PNPT1: variants seen among roughly 807,000 people sequenced by gnomAD.
The protein encoded by PNPT1 is polyribonucleotide nucleotidyltransferase 1, mitochondrial.
PNPT1 carries 53 observed loss-of-function variants against 119.5 expected under a neutral mutation model. The ratio of observed to expected loss-of-function variants is 0.44; its 90% CI spans 0.36 to 0.56. PNPT1 has a LOEUF of 0.56. Among genes scored for constraint, PNPT1 ranks in the 20% least tolerant of loss-of-function variants. PNPT1 has a pLI of 0.00. For synonymous variants in PNPT1, 357 were observed against 322.1 expected (o/e 1.11, Z -1.16); for missense variants, 948 against 938.5 (o/e 1.01, Z -0.13).
chr2:55,671,781 C>T (rs1199359895), intron 10 of PNPT1, among the ~76,000 whole-genome samples: 1 of 152,218 alleles, frequency 6.6e-6, no homozygotes, highest in African/African-American at 2.4e-5. Context: ...GAGCTGAGAT[C>T]ATGCCACTGC....
At chr2:55,662,533 G>A (rs13013699) in intron 13 of PNPT1, among the ~76,000 whole-genome samples, 45,701 of 151,832 alleles carry the variant, frequency 0.3, 7,045 homozygotes, top group South Asian at 0.39. Flanking sequence ...AAATTAGCTG[G>A]GCATGGTGGC....
Position 55,687,403 on chromosome 2 carries a change from G to A in PNPT1, c.222+242C>T, listed in dbSNP as rs190721801. ...TGCAGTGTGCCAAAATCGCACCACT[G>A]CACTCCGGCCTGGAGATGGAGCAAG... is the stretch of plus-strand genomic sequence containing the variant. On this transcript the variant is annotated intron_variant, in intron 2 of 27. Coordinates refer to ENST00000447944, the MANE Select transcript of PNPT1 (RefSeq NM_033109.5). Among the ~76,000 whole-genome samples, 4 of 151,172 alleles carry A rather than the reference G, an allele frequency of 2.6e-5. No individual in the cohort carries two copies. The East Asian group carries it at 7.8e-4, about 29-fold the overall frequency.
At chr2:55,690,308 G>T (rs371672702) in intron 1 of PNPT1, among the ~76,000 whole-genome samples, 1 of 151,210 alleles carries the variant, frequency 6.6e-6, no homozygotes, top group African/African-American at 2.4e-5. Context: ...TCATCAAAAG[G>T]TGTTTTGAGA....
chr2:55,693,830 C>G lies in PNPT1; in HGVS notation c.-7G>C. 1 of 1,612,940 alleles carries G rather than the reference C, an allele frequency of 6.2e-7. No individual in the cohort carries two copies. Among genetic ancestry groups the G allele is most frequent in the Non-Finnish European group, 8.5e-7 (1 of 1,179,932 alleles). ...AGTACCTGCAGGCCGCCATGACACC[C>G]GGCACGCGGTCAACGCAGGCTGTGC... On this transcript the variant is annotated 5_prime_UTR_variant, in exon 1 of 28. Coordinates refer to ENST00000447944, the MANE Select transcript of PNPT1 (RefSeq NM_033109.5).
chr2:55,692,118 C>T (rs1320333463), intron 1 of PNPT1, among the ~76,000 whole-genome samples: 1 of 151,788 alleles, frequency 6.6e-6, no homozygotes, highest in South Asian at 2.1e-4. Flanking sequence ...CTCCTGACCT[C>T]AGGAGATCCA....
At chr2:55,671,699 T>G (rs1696919336) in intron 10 of PNPT1, among the ~76,000 whole-genome samples, 1 of 152,214 alleles carries the variant, frequency 6.6e-6, no homozygotes, top group Admixed American at 6.5e-5. Flanking sequence ...CTGAGTGTGG[T>G]GGCGTGCACC....
At chr2:55,655,006 A>G in intron 17 of PNPT1, 53 bp from the exon 18 acceptor site, 2 of 1,437,206 alleles carry the variant, frequency 1.4e-6, no homozygotes, top group Non-Finnish European at 1.9e-6. Context: ...TTAATGTAGA[A>G]AAGTGTTACT....
At chr2:55,646,373 TTAAA>T (rs1559089036) in intron 20 of PNPT1, 38 bp downstream of exon 20, 1 of 1,603,734 alleles carries the variant, frequency 6.2e-7, no homozygotes, top group East Asian at 2.2e-5. Context: ...ATGGCATTAT[TTAAA>T]TGTTACAAAA....
chr2:55,693,286 C>T lies in PNPT1; in HGVS notation c.161+377G>A, dbSNP rs113598791. Among the ~76,000 whole-genome samples, 315 of 152,334 alleles carry T rather than the reference C, an allele frequency of 2.1e-3. 5 individuals carry two copies. Among genetic ancestry groups the T allele is most frequent in the African/African-American group, 6.8e-3 (282 of 41,574 alleles). On this transcript the variant is annotated intron_variant, in intron 1 of 27. Coordinates refer to ENST00000447944, the MANE Select transcript of PNPT1 (RefSeq NM_033109.5). Reference sequence around the variant, plus strand: ...CCCAGCTCGAGGGGCATCAGAGCCCCAGCTTCCAGGGTCCGGGCCAGCATC... The same window carrying T: ...CCCAGCTCGAGGGGCATCAGAGCCCTAGCTTCCAGGGTCCGGGCCAGCATC...
intron 24 of PNPT1, 45 bp from the exon 25 acceptor site, chr2:55,643,258 A>T (rs369168471): frequency 1.2e-4 from 189 of 1,613,634 alleles, no homozygotes; most frequent in Non-Finnish European, 1.5e-4. Flanking sequence ...GAAAACATCA[A>T]CAAAAAGTAG....
At chr2:55,681,476 C>T (rs1248332354) in intron 5 of PNPT1, among the ~76,000 whole-genome samples, 2 of 151,984 alleles carry the variant, frequency 1.3e-5, no homozygotes, top group Admixed American at 6.6e-5. Flanking sequence ...CAGATAAATA[C>T]GGTAGGTAAA....
At chr2:55,651,994 T>A in intron 18 of PNPT1, among the ~76,000 whole-genome samples, 1 of 151,950 alleles carries the variant, frequency 6.6e-6, no homozygotes. Flanking sequence ...ACTTCTTAAC[T>A]TTGCACATGC....
chr2:55,689,194 G>A (rs1220274932), intron 1 of PNPT1, among the ~76,000 whole-genome samples: 1 of 152,178 alleles, frequency 6.6e-6, no homozygotes, highest in African/African-American at 2.4e-5. Context: ...ATCTGATAAG[G>A]GACTTGTGTT....
intron 15 of PNPT1, among the ~76,000 whole-genome samples, chr2:55,656,808 C>G (rs933602922): frequency 2.0e-5 from 3 of 152,186 alleles, no homozygotes; most frequent in Admixed American, 2.0e-4. Context: ...TCTCTCTCCA[C>G]TAACTTTTTC....
chr2:55,667,731 A>G (rs958840600), intron 12 of PNPT1, 131 bp downstream of exon 12: 20 of 1,234,510 alleles, frequency 1.6e-5, no homozygotes, highest in Admixed American at 6.1e-5. Flanking sequence ...GTGTCCATTT[A>G]TATAGCAAAT....
intron 11 of PNPT1, among the ~76,000 whole-genome samples, chr2:55,670,027 G>A (rs1696859613): frequency 6.6e-6 from 1 of 151,966 alleles, no homozygotes; most frequent in East Asian, 1.9e-4. Flanking sequence ...CCAAAGTGCT[G>A]GGATTACAGG....
At chr2:55,665,038 T>C (rs771818428) in intron 13 of PNPT1, among the ~76,000 whole-genome samples, 1 of 152,166 alleles carries the variant, frequency 6.6e-6, no homozygotes, top group Non-Finnish European at 1.5e-5. Context: ...ACAGGGAAGA[T>C]GACTTGCTTC....
intron 18 of PNPT1, among the ~76,000 whole-genome samples, chr2:55,651,385 T>C (rs1696194707): frequency 6.6e-6 from 1 of 152,042 alleles, no homozygotes; most frequent in South Asian, 2.1e-4. Flanking sequence ...CGTGTCTGTG[T>C]AGAAAGAGGT....
At chr2:55,650,718 C>G (rs1696152074) in intron 18 of PNPT1, among the ~76,000 whole-genome samples, 2 of 151,586 alleles carry the variant, frequency 1.3e-5, no homozygotes, top group African/African-American at 4.8e-5. Context: ...GCCCGGCCGC[C>G]CCGTCTGAGA....
Sources: allele counts gnomAD v4.1 joint callset (sites outside exome capture counted in the v4.1 genomes callset), GRCh38; gene constraint gnomAD v4.1.1; transcripts MANE v1.5; gene names NCBI Gene and HGNC (gene_info 2026-07-23, HGNC 2026-07-21).